The following PROM1 variants were observed in gnomAD, a reference collection of about 807,000 sequenced individuals.
PROM1 encodes the protein prominin 1.
In PROM1, 105 loss-of-function variants were observed where a neutral mutation model predicts 116.9. The ratio of observed to expected loss-of-function variants is 0.90; its 90% CI spans 0.77 to 1.06. PROM1 has a LOEUF of 1.06. PROM1 is among the 50% of genes least tolerant of loss of function. The probability of loss-of-function intolerance (pLI) is 0.00; values close to 1 mark genes in which losing one functional copy is unlikely to be tolerated. For synonymous variants in PROM1, 393 were observed against 387.0 expected (o/e 1.02, Z -0.18); for missense variants, 1,122 against 1,045.2 (o/e 1.07, Z -1.01).
intron 16 of PROM1, 136 bp downstream of exon 16, chr4:15,993,851 A>G: frequency 1.4e-6 from 2 of 1,440,796 alleles, no homozygotes; most frequent in Non-Finnish European, 9.1e-7. Context: ...ACAGCCATGT[A>G]AATATACCAA....
At position 15,979,923 on chromosome 4, in the gene PROM1, G is replaced by C. The variant is rs1400291107; in HGVS notation, c.2490-19C>G. 2 of 1,339,106 alleles carry C rather than the reference G, an allele frequency of 1.5e-6. No homozygotes were observed. Among genetic ancestry groups the C allele is most frequent in the African/African-American group, 3.0e-5 (2 of 66,554 alleles). The allele number at this position is 1,339,106 out of a possible 1,614,324, so 83.0% of individuals were successfully genotyped here. A position where few individuals can be genotyped will look rare whatever the true frequency, so the allele number is the denominator to read the frequency against. ...TTCAACACTATAAAATACAAAAAAG[G>C]GAGATAAAATTAATTTTTTTAATTA... On this transcript the variant is annotated intron_variant, in intron 24 of 27. Coordinates refer to ENST00000447510, the MANE Select transcript of PROM1 (RefSeq NM_006017.3).
At chr4:16,014,860 T>C (rs1049767231) in intron 10 of PROM1, among the ~76,000 whole-genome samples, 5 of 152,234 alleles carry the variant, frequency 3.3e-5, no homozygotes, top group Non-Finnish European at 7.3e-5. Flanking sequence ...GGTAAGCTAC[T>C]GGGGAAATCA....
intron 26 of PROM1, among the ~76,000 whole-genome samples, chr4:15,976,731 A>G (rs768829599): frequency 2.0e-5 from 3 of 152,208 alleles, no homozygotes; most frequent in Non-Finnish European, 4.4e-5. Context: ...TTTCAATTGC[A>G]GGAGGACTTA....
At chr4:16,028,394 A>G (rs113974550) in intron 5 of PROM1, among the ~76,000 whole-genome samples, 12 of 152,338 alleles carry the variant, frequency 7.9e-5, no homozygotes, top group African/African-American at 2.6e-4. Context: ...CCATGATGGC[A>G]GATAAATATT....
At chr4:16,001,628 C>T (rs1723876865) in intron 13 of PROM1, among the ~76,000 whole-genome samples, 1 of 152,118 alleles carries the variant, frequency 6.6e-6, no homozygotes, top group Admixed American at 6.5e-5. Flanking sequence ...CTGTCACCAA[C>T]CAATGTGCTG....
intron 2 of PROM1, among the ~76,000 whole-genome samples, chr4:16,065,258 G>A (rs1050750405): frequency 8.5e-5 from 13 of 152,086 alleles, no homozygotes; most frequent in African/African-American, 2.9e-4. Flanking sequence ...TTCCAGACAT[G>A]CAGGGAACCA....
At chr4:15,993,342 G>A (rs1721524453) in intron 16 of PROM1, among the ~76,000 whole-genome samples, 1 of 152,160 alleles carries the variant, frequency 6.6e-6, no homozygotes, top group South Asian at 2.1e-4. Flanking sequence ...TACGGGGAGT[G>A]GGGTTGGTCT....
At chr4:16,055,575 C>T (rs1287005782) in intron 2 of PROM1, 1 of 337,268 alleles carries the variant, frequency 3.0e-6, no homozygotes, top group Non-Finnish European at 6.0e-6. Flanking sequence ...AAAGGGTTTT[C>T]GTCTGAAGAG....
chr4:16,000,712 C>A (rs1723577396), intron 13 of PROM1, 93 bp from the exon 14 acceptor site: 2 of 1,105,490 alleles, frequency 1.8e-6, no homozygotes, highest in Non-Finnish European at 2.5e-6. Context: ...TATAAAATAG[C>A]CCTGGGGTCT....
chr4:16,000,391 C>A, intron 14 of PROM1, 105 bp downstream of exon 14: 2 of 992,298 alleles, frequency 2.0e-6, no homozygotes. Flanking sequence ...GAATTTAAAC[C>A]AAACTGCTTA....
At chr4:15,975,684 T>C (rs1486502100) in intron 26 of PROM1, among the ~76,000 whole-genome samples, 2 of 152,196 alleles carry the variant, frequency 1.3e-5, no homozygotes, top group African/African-American at 4.8e-5. Flanking sequence ...TGTCCCAATG[T>C]CCCTAGAGTT....
chr4:15,991,153 C>T lies in PROM1; in HGVS notation c.1983+69G>A. The stretch of plus-strand genomic sequence containing the variant: ...GTGTGAGGAACCTCTCCAGCAGCTT[C>T]CCTAAGAATGGTACTGACATTTGAC... On this transcript the variant is annotated intron_variant, in intron 18 of 27. Coordinates refer to ENST00000447510, the MANE Select transcript of PROM1 (RefSeq NM_006017.3). 9.9e-6 allele frequency: 13 copies of T among 1,315,002 alleles called. No homozygotes were observed. The South Asian group carries it at 1.5e-4, about 15-fold the overall frequency. 81.5% of individuals were successfully genotyped at this position (1,315,002 alleles called of 1,614,324 possible).
chr4:15,987,579 A>T, intron 20 of PROM1, 84 bp downstream of exon 20: 1 of 1,359,004 alleles, frequency 7.4e-7, no homozygotes, highest in Non-Finnish European at 1.0e-6. Context: ...AACTTAAAGT[A>T]CCTACAAAAA....
At chr4:15,977,819 T>TG (rs752126957) in intron 26 of PROM1, among the ~76,000 whole-genome samples, 112 of 152,278 alleles carry the variant, frequency 7.4e-4, no homozygotes, top group Non-Finnish European at 1.4e-3. Flanking sequence ...AGGATGGTCT[T>TG]GATCTCCTGA....
In PROM1 at chr4:16,018,539, C is replaced by T. The variant is rs2286455; in HGVS notation, c.786G>A (p.Ala262=). ...VLDEIKSMAT[A]IKETKEALEN... ...CCAACGCCTCTTTGGTCTCCTTGAT[C>T]GCTATGGAAACACAGCCCGCTTCAG... Residue 262 remains alanine (A), a splice_region_variant and synonymous_variant, in exon 9 of 28, where the codon GCG becomes GCA. Transcript: ENST00000447510. The T allele has an allele frequency of 0.12, 185,914 of 1,602,056 alleles. 12,324 individuals are homozygous for T. The highest frequency in any genetic ancestry group is 0.27 in the East Asian group (12,105 of 44,512).
chr4:15,987,877 C>CTTTTTTTTT (rs56144936), intron 19 of PROM1, among the ~76,000 whole-genome samples, 161 bp from the exon 20 acceptor site: 1 of 132,382 alleles, frequency 7.6e-6, no homozygotes, highest in African/African-American at 2.8e-5. Flanking sequence ...TGTGTACTTT[C>CTTTTTTTTT]TTTTTTTTTT....
chr4:16,018,683 G>A (rs1578057987), intron 8 of PROM1, 143 bp from the exon 9 acceptor site: 2 of 692,234 alleles, frequency 2.9e-6, no homozygotes, highest in East Asian at 2.7e-5. Flanking sequence ...AGTCTGAGAG[G>A]GGAATACAGG....
At position 16,008,976 on chromosome 4, in the gene PROM1, G is replaced by A; in HGVS notation, c.1274C>T (p.Pro425Leu). 1 of 1,593,518 alleles carries A rather than the reference G, an allele frequency of 6.3e-7. No homozygotes were observed. Among genetic ancestry groups the A allele is most frequent in the African/African-American group, 1.3e-5 (1 of 74,546 alleles). The part of the protein sequence containing the change: ...NTESYIHRNL[P>L]TLEEYDSYWW... ...GTATGAATCATACTCTTCCAATGTA[G>A]GTAAATTTCTGTGGATGTAACTTTC... is the stretch of plus-strand genomic sequence containing the variant. The change falls in exon 12 of 28, where the codon CCT becomes CTT. Residue 425 changes from proline (P) to leucine (L), a missense_variant. Transcript: ENST00000447510.
At chr4:15,987,122 G>A (rs1719632161) in intron 20 of PROM1, among the ~76,000 whole-genome samples, 2 of 152,234 alleles carry the variant, frequency 1.3e-5, no homozygotes, top group African/African-American at 4.8e-5. Context: ...GTGACCATGT[G>A]ACTTGCTTTG....
Sources: allele counts gnomAD v4.1 joint callset (sites outside exome capture counted in the v4.1 genomes callset), GRCh38; gene constraint gnomAD v4.1.1; transcripts MANE v1.5; gene names NCBI Gene and HGNC (gene_info 2026-07-23, HGNC 2026-07-21).